TAFA1: variants seen among roughly 807,000 people sequenced by gnomAD.
TAFA1 encodes chemokine-like protein TAFA-1.
Under a neutral mutation model 18.5 loss-of-function variants are expected in TAFA1, and 4 were observed. The ratio of observed to expected loss-of-function variants is 0.22; its 90% CI spans 0.11 to 0.49. TAFA1 has a LOEUF of 0.49. TAFA1 is among the 20% of genes least tolerant of loss of function. The pLI is 0.98. For missense variants in TAFA1, 147 were observed against 169.0 expected (o/e 0.87, Z 0.72); for synonymous variants, 56 against 55.2 (o/e 1.01, Z -0.06).
chr3:68,101,436 A>G (rs2065146562), intron 2 of TAFA1, among the ~76,000 whole-genome samples: 1 of 152,228 alleles, frequency 6.6e-6, no homozygotes, highest in African/African-American at 2.4e-5. Context: ...ACCAACCCAA[A>G]TGTCCAACAA....
At chr3:68,441,158 T>C (rs892265863) in intron 3 of TAFA1, among the ~76,000 whole-genome samples, 5 of 152,166 alleles carry the variant, frequency 3.3e-5, no homozygotes, top group African/African-American at 4.8e-5. Context: ...ATTCCTCATT[T>C]GGGTGTGTTA....
chr3:68,343,132 C>G (rs769436200), intron 2 of TAFA1, among the ~76,000 whole-genome samples: 1 of 152,146 alleles, frequency 6.6e-6, no homozygotes, highest in Non-Finnish European at 1.5e-5. Context: ...TCTCATTACC[C>G]ATTAAGAAGC....
intron 2 of TAFA1, among the ~76,000 whole-genome samples, chr3:68,232,247 C>T (rs891452319): frequency 6.6e-6 from 1 of 152,140 alleles, no homozygotes; most frequent in Non-Finnish European, 1.5e-5. Flanking sequence ...CTCTAATAAC[C>T]ACAATTCTAC....
intron 3 of TAFA1, among the ~76,000 whole-genome samples, chr3:68,418,986 G>A (rs1351795773): frequency 6.6e-6 from 1 of 152,174 alleles, no homozygotes; most frequent in Admixed American, 6.6e-5. Flanking sequence ...GTCAAGATCT[G>A]AAGGTTTGAC....
chr3:68,415,688 C>CTT (rs34703642), intron 2 of TAFA1, among the ~76,000 whole-genome samples: 23,618 of 152,028 alleles, frequency 0.16, 2,410 homozygotes, highest in East Asian at 0.35. Context: ...TATACAGACT[C>CTT]TACCATATGT....
chr3:68,456,172 T>C (rs2071661447), intron 3 of TAFA1, among the ~76,000 whole-genome samples: 1 of 152,164 alleles, frequency 6.6e-6, no homozygotes, highest in South Asian at 2.1e-4. Flanking sequence ...GCAGGCCTTC[T>C]TGCACAACAA....
chr3:68,366,107 AAC>A (rs1158686593), intron 2 of TAFA1, among the ~76,000 whole-genome samples: 9 of 141,800 alleles, frequency 6.3e-5, no homozygotes, highest in Non-Finnish European at 1.1e-4. Flanking sequence ...AAAAAAAAGA[AAC>A]CATCAGATCT....
At position 68,417,289 on chromosome 3, in the gene TAFA1, C is replaced by T. The variant is rs913922364; in HGVS notation, c.128C>T (p.Thr43Met). Residue 43 changes from threonine to methionine, a missense_variant, in exon 3 of 5, where the codon ACG becomes ATG. Thr to Met is a moderately conservative substitution (Grantham distance 81). Transcript: ENST00000478136. ...CTTTCTCTCTTGCCAGAAGGAGGGA[C>T]GTGTGAAGTGATAGCAGCACACCGA... ...QHHLHRPEGG[T>M]CEVIAAHRCC... 1.4e-5 allele frequency: 23 copies of T among 1,612,490 alleles called. No individual in the cohort carries two copies. Among genetic ancestry groups the T allele is most frequent in the Admixed American group, 1.0e-4 (6 of 59,880 alleles).
At chr3:68,387,615 G>C (rs1401679828) in intron 2 of TAFA1, among the ~76,000 whole-genome samples, 1 of 152,102 alleles carries the variant, frequency 6.6e-6, no homozygotes, top group Non-Finnish European at 1.5e-5. Flanking sequence ...GCATGATGAT[G>C]TATTAGATTG....
intron 2 of TAFA1, among the ~76,000 whole-genome samples, chr3:68,390,834 T>A (rs770744854): frequency 3.3e-5 from 5 of 152,104 alleles, no homozygotes; most frequent in Non-Finnish European, 5.9e-5. Context: ...AGGATGGCCA[T>A]GCAGAAACTG....
intron 2 of TAFA1, among the ~76,000 whole-genome samples, chr3:68,013,896 C>CTGCCTAAGCAG (rs1704521910): frequency 6.6e-6 from 1 of 152,152 alleles, no homozygotes; most frequent in Admixed American, 6.5e-5. Context: ...TCTGCCTATT[C>CTGCCTAAGCAG]ATTAAGCAGA....
chr3:68,503,929 T>C (rs933549052), intron 3 of TAFA1, among the ~76,000 whole-genome samples: 3 of 152,152 alleles, frequency 2.0e-5, no homozygotes, highest in African/African-American at 7.2e-5. Context: ...ATCATCATCA[T>C]TATATTATCA....
chr3:68,396,349 A>C (rs1438756663), intron 2 of TAFA1, among the ~76,000 whole-genome samples: 1 of 152,178 alleles, frequency 6.6e-6, no homozygotes, highest in African/African-American at 2.4e-5. Context: ...TGTTACCAGC[A>C]ATCCAGAAGT....
At chr3:68,392,169 A>C (rs909858221) in intron 2 of TAFA1, among the ~76,000 whole-genome samples, 1 of 93,846 alleles carries the variant, frequency 1.1e-5, no homozygotes, top group Non-Finnish European at 2.2e-5. Flanking sequence ...AGGAATATTT[A>C]GGAAAGCAAA....
At chr3:68,410,036 G>T (rs2070683079) in intron 2 of TAFA1, among the ~76,000 whole-genome samples, 1 of 152,160 alleles carries the variant, frequency 6.6e-6, no homozygotes, top group African/African-American at 2.4e-5. Context: ...GAGCTGGGAA[G>T]GAGGCATCCA....
intron 2 of TAFA1, among the ~76,000 whole-genome samples, chr3:68,348,243 CAT>C (rs1193822525): frequency 2.0e-5 from 3 of 152,104 alleles, no homozygotes; most frequent in Non-Finnish European, 4.4e-5. Flanking sequence ...AATTAAATAA[CAT>C]AATGTATGTA....
chr3:68,154,576 T>C (rs2065844230), intron 2 of TAFA1, among the ~76,000 whole-genome samples: 1 of 152,202 alleles, frequency 6.6e-6, no homozygotes, highest in Non-Finnish European at 1.5e-5. Flanking sequence ...GGCTTATGTG[T>C]CTCTCCTTTC....
intron 2 of TAFA1, among the ~76,000 whole-genome samples, chr3:68,054,405 T>C (rs1450367568): frequency 2.0e-5 from 3 of 152,220 alleles, no homozygotes; most frequent in African/African-American, 7.2e-5. Context: ...CTTCACCTTC[T>C]GTTGTGAGTG....
intron 2 of TAFA1, among the ~76,000 whole-genome samples, chr3:68,076,264 T>C (rs1320537282): frequency 1.3e-5 from 2 of 148,454 alleles, no homozygotes; most frequent in Non-Finnish European, 3.0e-5. Context: ...TAAGGGGTTT[T>C]TCCATTGTTC....
Sources: gnomAD v4.1 joint callset for allele counts (sites outside exome capture counted in the v4.1 genomes callset) on GRCh38, gnomAD v4.1.1 for gene constraint, MANE v1.5 for transcripts, NCBI Gene and HGNC (gene_info 2026-07-23, HGNC 2026-07-21) for gene names.